PPARGC1A: variants seen among roughly 807,000 people sequenced by gnomAD.
The protein encoded by PPARGC1A is PPARG coactivator 1 alpha.
A neutral mutation model predicts 88.7 loss-of-function variants in PPARGC1A; 25 were observed. The observed-to-expected ratio is 0.28, with a 90% confidence interval of 0.21 to 0.39. The LOEUF is 0.39. Ranked by LOEUF, PPARGC1A falls within the 10% of genes least tolerant of loss-of-function variation. The pLI is 1.00. For synonymous variants in PPARGC1A, 363 were observed against 355.6 expected (o/e 1.02, Z -0.24); for missense variants, 880 against 968.7 (o/e 0.91, Z 1.22).
At chr4:24,296,982 C>A in the PPARGC1A span, among the ~76,000 whole-genome samples, 1 of 152,110 alleles carries the variant, frequency 6.6e-6, no homozygotes, top group South Asian at 2.1e-4. Context: ...TTAGAGACTG[C>A]AGCTTGATTC....
the PPARGC1A span, among the ~76,000 whole-genome samples, chr4:24,302,745 C>CA: frequency 6.6e-6 from 1 of 152,134 alleles, no homozygotes; most frequent in Non-Finnish European, 1.5e-5. Flanking sequence ...CAGTGTTTCT[C>CA]AAATGGCAGT....
chr4:23,985,735 T>C, the PPARGC1A span, among the ~76,000 whole-genome samples: 1 of 152,162 alleles, frequency 6.6e-6, no homozygotes, highest in South Asian at 2.1e-4. Flanking sequence ...TGTTTCTATT[T>C]GATCATCAAA....
the PPARGC1A span, among the ~76,000 whole-genome samples, chr4:24,177,822 C>T: frequency 6.6e-6 from 1 of 151,896 alleles, no homozygotes; most frequent in African/African-American, 2.4e-5. Context: ...AAGAGACCAA[C>T]AGGAAAAGTG....
chr4:24,079,982 GC>G, the PPARGC1A span, among the ~76,000 whole-genome samples: 1 of 151,902 alleles, frequency 6.6e-6, no homozygotes, highest in Non-Finnish European at 1.5e-5. Flanking sequence ...CTAGAGAAAA[GC>G]CTGCTTTACT....
chr4:23,981,626 C>A, the PPARGC1A span, among the ~76,000 whole-genome samples: 1 of 152,150 alleles, frequency 6.6e-6, no homozygotes, highest in Admixed American at 6.5e-5. Context: ...CAGGTCCAAA[C>A]CCTTCAACGA....
intron 1 of PPARGC1A, among the ~76,000 whole-genome samples, chr4:23,895,960 GTGTGTGTGTGTGTGTGTGTGTATATA>G (rs1356340137): frequency 1.5e-3 from 79 of 52,222 alleles, no homozygotes; most frequent in African/African-American, 0.013. Context: ...GTGTGTGTGT[GTGTGTGTGTGTGTGTGTGTGTATATA>G]TATATACACA....
the PPARGC1A span, among the ~76,000 whole-genome samples, chr4:23,950,510 T>C: frequency 9.9e-5 from 15 of 152,252 alleles, no homozygotes; most frequent in East Asian, 2.7e-3. Flanking sequence ...TGCTGAAAGG[T>C]ATCTTGTAAT....
chr4:24,164,725 CAT>C, the PPARGC1A span, among the ~76,000 whole-genome samples: 1 of 152,188 alleles, frequency 6.6e-6, no homozygotes, highest in Admixed American at 6.5e-5. Flanking sequence ...GCACAGCTAT[CAT>C]AGCTTGCAGC....
the PPARGC1A span, among the ~76,000 whole-genome samples, chr4:24,014,553 C>G: frequency 2.0e-5 from 3 of 152,150 alleles, no homozygotes; most frequent in African/African-American, 7.2e-5. Context: ...TGTCAGCCAG[C>G]CTGTGTTCTC....
At chr4:24,222,299 T>G in the PPARGC1A span, among the ~76,000 whole-genome samples, 2 of 152,176 alleles carry the variant, frequency 1.3e-5, no homozygotes, top group African/African-American at 2.4e-5. Context: ...TACCTTGAGG[T>G]AGTTAAGAAA....
the PPARGC1A span, among the ~76,000 whole-genome samples, chr4:24,301,633 C>T: frequency 4.7e-4 from 69 of 147,320 alleles, no homozygotes; most frequent in East Asian, 0.012. Flanking sequence ...AAAAAGAGTA[C>T]GTGCATGTGG....
At chr4:23,908,757 T>C (rs753031176), upstream of PPARGC1A, among the ~76,000 whole-genome samples, 3 of 152,166 alleles carry the variant, frequency 2.0e-5, no homozygotes, top group Non-Finnish European at 2.9e-5. Context: ...GATAAAATGC[T>C]CCACTGGGGT....
the PPARGC1A span, among the ~76,000 whole-genome samples, chr4:24,000,947 C>G: frequency 6.6e-6 from 1 of 152,166 alleles, no homozygotes; most frequent in African/African-American, 2.4e-5. Context: ...AGCTACTTAT[C>G]TTTCCTTTTC....
At chr4:24,172,002 G>A in the PPARGC1A span, among the ~76,000 whole-genome samples, 1 of 152,266 alleles carries the variant, frequency 6.6e-6, no homozygotes, top group African/African-American at 2.4e-5. Flanking sequence ...TAAGTGTTCA[G>A]GATCTAGCCA....
intron 1 of PPARGC1A, among the ~76,000 whole-genome samples, chr4:23,898,792 T>C (rs2148874700): frequency 6.6e-6 from 1 of 151,948 alleles, no homozygotes; most frequent in South Asian, 2.1e-4. Context: ...CTCTACCTCT[T>C]TTCAAAACAA....
At chr4:24,421,606 G>C in the PPARGC1A span, among the ~76,000 whole-genome samples, 1 of 152,070 alleles carries the variant, frequency 6.6e-6, no homozygotes, top group Non-Finnish European at 1.5e-5. Flanking sequence ...CCACCGCGCC[G>C]GGCCAACAGT....
At chr4:24,002,501 GC>G in the PPARGC1A span, among the ~76,000 whole-genome samples, 2 of 151,900 alleles carry the variant, frequency 1.3e-5, no homozygotes, top group Admixed American at 1.3e-4. Flanking sequence ...TAATCTCCTT[GC>G]AATGTGCTAT....
rs1339573120 is a variant in PPARGC1A at position 23,824,367 on chromosome 4, C to T, written c.804-14G>A. 6.2e-7 allele frequency: 1 copy of T among 1,612,612 alleles called. No individual in the cohort carries two copies. Among genetic ancestry groups the T allele is most frequent in the Non-Finnish European group, 8.5e-7 (1 of 1,178,954 alleles). On this transcript the variant is annotated splice_polypyrimidine_tract_variant and intron_variant, in intron 6 of 12. Transcript: ENST00000264867. ...CCCTTGGGGTCACTGGAAGATATGG[C>T]ACATTTATAAAAACAAACTGAAATG...
At chr4:24,457,013 T>G in the PPARGC1A span, among the ~76,000 whole-genome samples, 1 of 152,132 alleles carries the variant, frequency 6.6e-6, no homozygotes, top group Non-Finnish European at 1.5e-5. Flanking sequence ...GACTGAGCCT[T>G]CATGGGACCA....
Sources: gnomAD v4.1 joint callset for allele counts (sites outside exome capture counted in the v4.1 genomes callset) on GRCh38, gnomAD v4.1.1 for gene constraint, MANE v1.5 for transcripts, NCBI Gene and HGNC (gene_info 2026-07-23, HGNC 2026-07-21) for gene names.